MCTP1: variants seen among roughly 807,000 people sequenced by gnomAD.
MCTP1 encodes the protein multiple C2 and transmembrane domain containing 1.
Under a neutral mutation model 120.6 loss-of-function variants are expected in MCTP1, and 69 were observed. That is an observed-to-expected ratio of 0.57 (90% CI 0.47 to 0.70). MCTP1 has a LOEUF of 0.70. Ranked by LOEUF, MCTP1 falls within the 30% of genes least tolerant of loss-of-function variation. The pLI is 0.00. For missense variants in MCTP1, 1,203 were observed against 1,248.8 expected (o/e 0.96, Z 0.55); for synonymous variants, 529 against 493.1 (o/e 1.07, Z -0.96).
intron 1 of MCTP1, among the ~76,000 whole-genome samples, chr5:95,041,543 C>T (rs867627673): frequency 1.3e-5 from 2 of 152,144 alleles, no homozygotes; most frequent in Middle Eastern, 3.4e-3. Context: ...ATACATTTCC[C>T]TGTGTTGTAT....
At chr5:94,800,826 A>G (rs1781076039) in intron 17 of MCTP1, among the ~76,000 whole-genome samples, 1 of 152,138 alleles carries the variant, frequency 6.6e-6, no homozygotes, top group Non-Finnish European at 1.5e-5. Flanking sequence ...AGAATTACAT[A>G]GTAACTATAG....
At chr5:95,135,762 TTAA>T (rs1759401910) in intron 1 of MCTP1, among the ~76,000 whole-genome samples, 2 of 152,252 alleles carry the variant, frequency 1.3e-5, no homozygotes, top group Non-Finnish European at 2.9e-5. Flanking sequence ...AAGTTAATAC[TTAA>T]TAAACTCCCC....
intron 17 of MCTP1, among the ~76,000 whole-genome samples, chr5:94,837,692 A>C (rs1321438143): frequency 6.6e-6 from 1 of 152,166 alleles, no homozygotes; most frequent in Non-Finnish European, 1.5e-5. Context: ...TTCATGTCAG[A>C]GGGATGAAAA....
intron 19 of MCTP1, among the ~76,000 whole-genome samples, chr5:94,721,089 G>T (rs556290227): frequency 1.3e-5 from 2 of 152,236 alleles, no homozygotes; most frequent in East Asian, 3.9e-4. Flanking sequence ...GAATTCCTTT[G>T]AGATAAAGAA....
chr5:94,777,840 A>T (rs1451897261), intron 19 of MCTP1, among the ~76,000 whole-genome samples: 1 of 152,116 alleles, frequency 6.6e-6, no homozygotes, highest in African/African-American at 2.4e-5. Flanking sequence ...GTTGCTAATG[A>T]CTAAATGATG....
intron 2 of MCTP1, among the ~76,000 whole-genome samples, chr5:95,012,037 C>A (rs746883982): frequency 6.6e-6 from 1 of 152,036 alleles, no homozygotes; most frequent in Non-Finnish European, 1.5e-5. Flanking sequence ...ATTGAGAAAC[C>A]AATACGTGGC....
intron 1 of MCTP1, among the ~76,000 whole-genome samples, chr5:95,055,014 G>A (rs904410990): frequency 6.6e-5 from 10 of 152,124 alleles, no homozygotes; most frequent in African/African-American, 2.4e-4. Flanking sequence ...GTTTCGCTAT[G>A]TTGGCCACGC....
intron 1 of MCTP1, among the ~76,000 whole-genome samples, chr5:95,074,458 C>T (rs1753046865): frequency 1.3e-5 from 2 of 152,212 alleles, no homozygotes; most frequent in Non-Finnish European, 2.9e-5. Flanking sequence ...GTTTAGTAAT[C>T]AATTGTCATT....
chr5:95,235,614 A>AT (rs984434127), intron 1 of MCTP1, among the ~76,000 whole-genome samples: 5 of 152,068 alleles, frequency 3.3e-5, no homozygotes, highest in Non-Finnish European at 5.9e-5. Flanking sequence ...AAAGTTAGAA[A>AT]TTTTTTTTAA....
chr5:95,024,217 G>A (rs1838760530), intron 1 of MCTP1: 3 of 276,220 alleles, frequency 1.1e-5, no homozygotes, highest in South Asian at 6.3e-5. Context: ...TCTTCTGGTA[G>A]TTTTACAATT....
At chr5:94,855,500 T>G (rs1372418242) in intron 17 of MCTP1, among the ~76,000 whole-genome samples, 2 of 151,952 alleles carry the variant, frequency 1.3e-5, no homozygotes, top group East Asian at 3.9e-4. Context: ...GTAGGTAACT[T>G]CAGTCTGCTA....
chr5:95,054,314 T>C (rs1253368796), intron 1 of MCTP1, among the ~76,000 whole-genome samples: 1 of 152,212 alleles, frequency 6.6e-6, no homozygotes, highest in African/African-American at 2.4e-5. Context: ...TAGAATCATT[T>C]TGAAGCAGAG....
chr5:95,041,076 T>C (rs983530707), intron 1 of MCTP1, among the ~76,000 whole-genome samples: 2 of 148,996 alleles, frequency 1.3e-5, no homozygotes, highest in African/African-American at 4.9e-5. Flanking sequence ...TCAGTTCGAG[T>C]TTTTTTTTGT....
chr5:94,772,961 G>A (rs1027925734), intron 19 of MCTP1, among the ~76,000 whole-genome samples: 1 of 152,138 alleles, frequency 6.6e-6, no homozygotes, highest in Admixed American at 6.5e-5. Flanking sequence ...TTTAAATTAA[G>A]TGGGTTGAAC....
intron 6 of MCTP1, among the ~76,000 whole-genome samples, chr5:94,925,985 A>C (rs900541596): frequency 2.0e-5 from 3 of 152,192 alleles, no homozygotes; most frequent in Admixed American, 6.5e-5. Flanking sequence ...TATTAACCAG[A>C]TTTTAGAGTA....
chr5:95,169,942 C>T (rs1562202984), intron 1 of MCTP1, among the ~76,000 whole-genome samples: 1 of 151,984 alleles, frequency 6.6e-6, no homozygotes, highest in Non-Finnish European at 1.5e-5. Context: ...TTTTCTTGCA[C>T]ATTCTGCTAG....
intron 1 of MCTP1, among the ~76,000 whole-genome samples, chr5:95,116,122 T>C (rs964113665): frequency 6.6e-6 from 1 of 152,072 alleles, no homozygotes; most frequent in African/African-American, 2.4e-5. Flanking sequence ...AGAGATTTCA[T>C]CACACCAGAC....
chr5:94,800,606 C>T lies in MCTP1; in HGVS notation c.2437-1474G>A, dbSNP rs542505409. 2.6e-5 allele frequency among the ~76,000 whole-genome samples: 4 copies of T among 152,302 alleles called. No homozygotes were observed. In the East Asian group the frequency reaches 7.7e-4, roughly 29 times the overall value. On this transcript the variant is annotated intron_variant, in intron 17 of 22. Coordinates refer to ENST00000515393, the MANE Select transcript of MCTP1 (RefSeq NM_024717.7). ...GAAAGTCCCTCTGCCTTAGTGTTCT[C>T]ATATCTTGACAGAGGTCTATAAATC...
At chr5:94,762,354 CA>C (rs1333149339) in intron 19 of MCTP1, among the ~76,000 whole-genome samples, 6 of 152,052 alleles carry the variant, frequency 3.9e-5, no homozygotes, top group Non-Finnish European at 7.4e-5. Flanking sequence ...TGATCAAAGC[CA>C]AAAAAGCATG....
Sources: gnomAD v4.1 joint callset for allele counts (sites outside exome capture counted in the v4.1 genomes callset) on GRCh38, gnomAD v4.1.1 for gene constraint, MANE v1.5 for transcripts, NCBI Gene and HGNC (gene_info 2026-07-23, HGNC 2026-07-21) for gene names.